Variants in LRPPRC observed in about 807,000 individuals in gnomAD.
LRPPRC encodes the protein leucine-rich PPR motif-containing protein, mitochondrial.
In LRPPRC, 120 loss-of-function variants were observed where a neutral mutation model predicts 180.3. The ratio of observed to expected loss-of-function variants is 0.67; its 90% CI spans 0.57 to 0.77. LRPPRC has a LOEUF of 0.77. Among genes scored for constraint, LRPPRC ranks in the 30% least tolerant of loss-of-function variants. LRPPRC has a pLI of 0.00. For missense variants in LRPPRC, 2,012 were observed against 1,657.2 expected, an observed-to-expected ratio of 1.21 and a Z score of -3.72; for synonymous variants, 723 against 600.0, an observed-to-expected ratio of 1.21 and a Z score of -3.00.
chr2:43,897,500 T>A (rs897988415), intron 34 of LRPPRC, among the ~76,000 whole-genome samples: 1 of 152,140 alleles, frequency 6.6e-6, no homozygotes, highest in Non-Finnish European at 1.5e-5. Context: ...CACAGAACAT[T>A]TACATTACGC....
In LRPPRC at chr2:43,898,002, T is replaced by G. The variant is rs140016263; in HGVS notation, c.3825+1217A>C. On this transcript the variant is annotated intron_variant, in intron 34 of 37. Coordinates refer to ENST00000260665, the MANE Select transcript of LRPPRC (RefSeq NM_133259.4). ...CTTCCTTCTTTTTTTTTTCACCACG[T>G]AAGATAGCAAGATAAAACAATTTTA... Among the ~76,000 whole-genome samples, 1,392 of 139,896 alleles carry G rather than the reference T, an allele frequency of 1.0e-2. 23 individuals are homozygous for G. Among genetic ancestry groups the G allele is most frequent in the African/African-American group, 0.035 (1,318 of 37,168 alleles). The allele number at this position is 139,896 out of a possible 152,430, so 91.8% of individuals were successfully genotyped here.
chr2:43,938,885 T>A (rs1408065594), intron 23 of LRPPRC, among the ~76,000 whole-genome samples: 4 of 146,934 alleles, frequency 2.7e-5, no homozygotes. Flanking sequence ...CAACCACGAG[T>A]GACAACTATC....
chr2:43,954,275 C>G (rs1673015213), intron 14 of LRPPRC, among the ~76,000 whole-genome samples: 1 of 152,094 alleles, frequency 6.6e-6, no homozygotes, highest in Non-Finnish European at 1.5e-5. Flanking sequence ...AATTGTATGA[C>G]CTAGTAGAAA....
chr2:43,969,230 G>A (rs529939353), intron 11 of LRPPRC, among the ~76,000 whole-genome samples: 2 of 152,190 alleles, frequency 1.3e-5, no homozygotes, highest in African/African-American at 4.8e-5. Context: ...GGCTAACACG[G>A]TGAAACCCCG....
intron 2 of LRPPRC, among the ~76,000 whole-genome samples, chr2:43,980,412 G>A (rs1422748855): frequency 1.3e-5 from 2 of 152,036 alleles, no homozygotes; most frequent in Admixed American, 6.6e-5. Flanking sequence ...AATTAGCTGG[G>A]CGAGATGGCG....
chr2:43,938,807 A>ATGT (rs1672365297), intron 23 of LRPPRC, among the ~76,000 whole-genome samples: 1 of 152,232 alleles, frequency 6.6e-6, no homozygotes, highest in South Asian at 2.1e-4. Flanking sequence ...TAAAACTCAT[A>ATGT]TACATTCCTC....
intron 34 of LRPPRC, among the ~76,000 whole-genome samples, chr2:43,897,492 C>T (rs1558898703): frequency 6.6e-6 from 1 of 152,078 alleles, no homozygotes; most frequent in African/African-American, 2.4e-5. Context: ...TGGGGCCACA[C>T]AGAACATTTA....
intron 27 of LRPPRC, among the ~76,000 whole-genome samples, chr2:43,920,503 A>G (rs1011625776): frequency 6.6e-6 from 1 of 152,176 alleles, no homozygotes; most frequent in Non-Finnish European, 1.5e-5. Context: ...CCTAAAGTGC[A>G]GAGTGATTTT....
At chr2:43,985,646 C>CT (rs1345937961) in intron 1 of LRPPRC, among the ~76,000 whole-genome samples, 3 of 152,190 alleles carry the variant, frequency 2.0e-5, no homozygotes, top group African/African-American at 7.2e-5. Context: ...TCCTCCATGT[C>CT]TTTTCACAGC....
intron 36 of LRPPRC, among the ~76,000 whole-genome samples, chr2:43,893,986 C>G (rs1279843131): frequency 6.6e-6 from 1 of 152,094 alleles, no homozygotes; most frequent in Non-Finnish European, 1.5e-5. Context: ...ACTGAGGAAA[C>G]TTTAGACAAT....
rs374780360 is a variant in LRPPRC at position 43,961,846 on chromosome 2, A to G, written c.1489-1212T>C. 5.0e-4 allele frequency among the ~76,000 whole-genome samples: 76 copies of G among 152,294 alleles called. 1 individual carries two copies. In the South Asian group the frequency reaches 6.0e-3, roughly 12 times the overall value. On this transcript the variant is annotated intron_variant, in intron 12 of 37. Coordinates refer to ENST00000260665, the MANE Select transcript of LRPPRC (RefSeq NM_133259.4). ...TGTGGTGGTGGGCACCTGTAATCCC[A>G]GCTACTTGGGAGGCTGAGGCAGAAG...
intron 36 of LRPPRC, among the ~76,000 whole-genome samples, chr2:43,893,409 T>C (rs1297401850): frequency 6.6e-6 from 1 of 152,210 alleles, no homozygotes; most frequent in Non-Finnish European, 1.5e-5. Context: ...TGGCAAACTT[T>C]ATTGTTGTCT....
At chr2:43,893,525 T>C (rs1430076092) in intron 36 of LRPPRC, among the ~76,000 whole-genome samples, 1 of 152,258 alleles carries the variant, frequency 6.6e-6, no homozygotes, top group Non-Finnish European at 1.5e-5. Context: ...AAGGCACAGA[T>C]GATCGTTAAC....
At chr2:43,954,060 T>C (rs1445558014) in intron 14 of LRPPRC, among the ~76,000 whole-genome samples, 1 of 152,182 alleles carries the variant, frequency 6.6e-6, no homozygotes, top group Non-Finnish European at 1.5e-5. Flanking sequence ...GAACACCCTC[T>C]TTTTATAGGG....
intron 12 of LRPPRC, among the ~76,000 whole-genome samples, chr2:43,961,510 G>C (rs959761428): frequency 2.0e-5 from 3 of 152,150 alleles, no homozygotes; most frequent in Admixed American, 6.6e-5. Context: ...ACATCTGAAA[G>C]AACATACATG....
At chr2:43,955,996 T>C (rs1343576802) in intron 14 of LRPPRC, among the ~76,000 whole-genome samples, 1 of 151,622 alleles carries the variant, frequency 6.6e-6, no homozygotes, top group East Asian at 1.9e-4. Context: ...TATCTGTTGA[T>C]GTGATACAAT....
At chr2:43,910,240 T>C (rs1163480252) in intron 30 of LRPPRC, among the ~76,000 whole-genome samples, 2 of 33,094 alleles carry the variant, frequency 6.0e-5, no homozygotes, top group Non-Finnish European at 8.8e-5. Context: ...TCTCTCTCCC[T>C]TTTTTTTTTT....
chr2:43,897,517 G>C (rs1670727792), intron 34 of LRPPRC, among the ~76,000 whole-genome samples: 2 of 152,124 alleles, frequency 1.3e-5, no homozygotes, highest in African/African-American at 4.8e-5. Context: ...ACGCACTGAT[G>C]TTTTTGACAT....
intron 23 of LRPPRC, among the ~76,000 whole-genome samples, chr2:43,942,889 ATTTTAT>A (rs1672535836): frequency 6.6e-6 from 1 of 151,928 alleles, no homozygotes; most frequent in Non-Finnish European, 1.5e-5. Context: ...CTTCCATTTT[ATTTTAT>A]TTTAATTATT....
Sources: gnomAD v4.1 joint callset for allele counts (sites outside exome capture counted in the v4.1 genomes callset) on GRCh38, gnomAD v4.1.1 for gene constraint, MANE v1.5 for transcripts, NCBI Gene and HGNC (gene_info 2026-07-23, HGNC 2026-07-21) for gene names.